Variants in STXBP5L observed in about 807,000 individuals in gnomAD.
STXBP5L encodes syntaxin binding protein 5L.
In STXBP5L, 65 loss-of-function variants were observed where a neutral mutation model predicts 144.5. The ratio of observed to expected loss-of-function variants is 0.45; its 90% confidence interval spans 0.37 to 0.55. The LOEUF is 0.55. STXBP5L is among the 20% of genes least tolerant of loss of function. The pLI is 0.00. For synonymous variants in STXBP5L, 505 were observed against 469.6 expected (o/e 1.08, Z -0.97); for missense variants, 1,298 against 1,405.5 (o/e 0.92, Z 1.22).
chr3:121,295,503 A>G (rs1016471163), intron 19 of STXBP5L, among the ~76,000 whole-genome samples: 1 of 152,152 alleles, frequency 6.6e-6, no homozygotes, highest in East Asian at 1.9e-4. Context: ...TTGAATTGTA[A>G]TTAGTAGGAA....
chr3:121,208,128 A>T (rs1233506481), intron 10 of STXBP5L, among the ~76,000 whole-genome samples: 1 of 152,186 alleles, frequency 6.6e-6, no homozygotes, highest in African/African-American at 2.4e-5. Flanking sequence ...TGTGGCACAT[A>T]TACACCATGG....
chr3:121,405,611 A>G (rs2046978566), intron 22 of STXBP5L, among the ~76,000 whole-genome samples: 1 of 152,114 alleles, frequency 6.6e-6, no homozygotes, highest in Non-Finnish European at 1.5e-5. Flanking sequence ...ATTAATTAAG[A>G]TCTTATTATT....
At chr3:121,018,143 T>C (rs1380738694) in intron 3 of STXBP5L, among the ~76,000 whole-genome samples, 1 of 152,192 alleles carries the variant, frequency 6.6e-6, no homozygotes. Context: ...TATTCAATAT[T>C]GTCAAGATTG....
chr3:121,403,671 T>C (rs1296657646), intron 22 of STXBP5L, among the ~76,000 whole-genome samples: 2 of 152,162 alleles, frequency 1.3e-5, no homozygotes, highest in Non-Finnish European at 2.9e-5. Context: ...AAATAAGTAA[T>C]TATATGGGAT....
Position 121,349,335 on chromosome 3 carries a change from A to AGTGG in STXBP5L, c.2177-29381_2177-29380insGTGG, listed in dbSNP as rs1470191195. On this transcript the variant is annotated intron_variant, in intron 20 of 26. Transcript: ENST00000471454. ...GTGGTCTGAGAGACAGTTTGTTACA[A>AGTGG]TTTCTGTTCTTTTACATTTGCTGAG... Among the ~76,000 whole-genome samples the AGTGG allele has an allele frequency of 1.9e-4, 29 of 152,036 alleles. No individual in the cohort carries two copies. The East Asian group carries it at 5.2e-3, about 27-fold the overall frequency.
At chr3:121,290,634 G>A (rs2108463315) in intron 19 of STXBP5L, among the ~76,000 whole-genome samples, 1 of 152,246 alleles carries the variant, frequency 6.6e-6, no homozygotes. Context: ...TATCCCTGGT[G>A]AACGTACGTG....
intron 19 of STXBP5L, among the ~76,000 whole-genome samples, chr3:121,303,320 A>G (rs1577404038): frequency 6.6e-6 from 1 of 152,150 alleles, no homozygotes; most frequent in Non-Finnish European, 1.5e-5. Flanking sequence ...AATCAAAACC[A>G]CAATGAGATA....
intron 15 of STXBP5L, among the ~76,000 whole-genome samples, chr3:121,254,127 CTAA>C (rs2050131629): frequency 6.6e-6 from 1 of 152,064 alleles, no homozygotes; most frequent in Non-Finnish European, 1.5e-5. Flanking sequence ...CTGGTTTTGA[CTAA>C]TGTTTCTCAT....
chr3:121,126,887 G>C (rs1000661220), intron 7 of STXBP5L, among the ~76,000 whole-genome samples: 1 of 152,094 alleles, frequency 6.6e-6, no homozygotes, highest in Non-Finnish European at 1.5e-5. Flanking sequence ...CAGCCCCTTT[G>C]TCTATCTTCA....
At chr3:121,061,726 CCTT>C (rs1416071718) in intron 5 of STXBP5L, among the ~76,000 whole-genome samples, 6 of 152,054 alleles carry the variant, frequency 3.9e-5, no homozygotes, top group African/African-American at 1.4e-4. Flanking sequence ...TATGTAATGC[CCTT>C]CTTTGTCTCT....
In STXBP5L at chr3:121,045,454, G is replaced by A. The variant is rs752753755; in HGVS notation, c.389G>A (p.Ser130Asn). ...LINEGALVSASSDDTLHLWNL... is the reference protein window; with the variant it reads ...LINEGALVSANSDDTLHLWNL... ...TTCTAGGGTGCCTTGGTCAGTGCAAGTTCAGATGATACACTTCATTTGTGG... is the reference window on the plus strand; with the variant it reads ...TTCTAGGGTGCCTTGGTCAGTGCAAATTCAGATGATACACTTCATTTGTGG... Residue 130 changes from serine to asparagine, a missense_variant, in exon 5 of 27, where the codon AGT becomes AAT. Ser to Asn is a conservative substitution (Grantham distance 46). Coordinates refer to ENST00000471454, the MANE Select transcript of STXBP5L (RefSeq NM_001308330.2). The A allele has an allele frequency of 6.2e-7, 1 of 1,612,862 alleles. No homozygotes were observed. Among genetic ancestry groups the A allele is most frequent in the Admixed American group, 1.7e-5 (1 of 59,944 alleles).
chr3:120,920,853 GTATATATACCA>G (rs1709327558), intron 2 of STXBP5L, among the ~76,000 whole-genome samples: 1 of 151,794 alleles, frequency 6.6e-6, no homozygotes, highest in African/African-American at 2.4e-5. Flanking sequence ...ATTCCCTTGT[GTATATATACCA>G]TATTTTCTTT....
chr3:121,340,898 G>T (rs1247902137), intron 20 of STXBP5L, among the ~76,000 whole-genome samples: 1 of 152,014 alleles, frequency 6.6e-6, no homozygotes, highest in East Asian at 1.9e-4. Context: ...TTTTCTCTTT[G>T]CTAGCTTGTT....
intron 15 of STXBP5L, among the ~76,000 whole-genome samples, chr3:121,251,150 A>G (rs1016627152): frequency 3.3e-5 from 5 of 152,072 alleles, no homozygotes; most frequent in East Asian, 1.9e-4. Context: ...CCACTCATCT[A>G]CCACATCCTG....
At chr3:121,375,328 C>T (rs933659120) in intron 20 of STXBP5L, among the ~76,000 whole-genome samples, 3 of 152,052 alleles carry the variant, frequency 2.0e-5, no homozygotes, top group African/African-American at 7.2e-5. Flanking sequence ...TCCAAAAAGC[C>T]TGGATCTCAG....
intron 20 of STXBP5L, among the ~76,000 whole-genome samples, chr3:121,340,395 T>C (rs2044664834): frequency 6.6e-6 from 1 of 152,154 alleles, no homozygotes; most frequent in South Asian, 2.1e-4. Context: ...GTTTGTTCCA[T>C]AGGTATACAT....
chr3:121,326,744 C>T (rs1577465603), intron 20 of STXBP5L, among the ~76,000 whole-genome samples: 3 of 152,104 alleles, frequency 2.0e-5, no homozygotes, highest in Admixed American at 6.5e-5. Context: ...GTGTTCAGAA[C>T]ATAGATGCTC....
chr3:121,075,777 C>G lies in STXBP5L; in HGVS notation c.470+30242C>G, dbSNP rs1191846064. 8.5e-5 allele frequency among the ~76,000 whole-genome samples: 13 copies of G among 152,164 alleles called. 1 individual carries two copies. Among genetic ancestry groups the G allele is most frequent in the Admixed American group, 8.5e-4 (13 of 15,284 alleles). On this transcript the variant is annotated intron_variant, in intron 5 of 26. Coordinates refer to ENST00000471454, the MANE Select transcript of STXBP5L (RefSeq NM_001308330.2). ...CTTGATACTGCTCCAAACTTTGTAG[C>G]CCTTGAGCCTGGTTAGGGTCCCAGT...
At chr3:121,126,872 G>A (rs1414836392) in intron 7 of STXBP5L, among the ~76,000 whole-genome samples, 1 of 152,114 alleles carries the variant, frequency 6.6e-6, no homozygotes, top group Non-Finnish European at 1.5e-5. Context: ...AAATTCCTTG[G>A]CTTGCAGCCC....
Sources: allele counts gnomAD v4.1 joint callset (sites outside exome capture counted in the v4.1 genomes callset), GRCh38; gene constraint gnomAD v4.1.1; transcripts MANE v1.5; gene names NCBI Gene and HGNC (gene_info 2026-07-23, HGNC 2026-07-21).